DNAH8: variants seen among roughly 807,000 people sequenced by gnomAD.
DNAH8 encodes axonemal beta dynein heavy chain 8.
Under a neutral mutation model 562.1 loss-of-function variants are expected in DNAH8, and 382 were observed. That is an observed-to-expected ratio of 0.68 (90% CI 0.63 to 0.74). The LOEUF is 0.74. Ranked by LOEUF, DNAH8 falls within the 30% of genes least tolerant of loss-of-function variation. DNAH8 has a pLI of 0.00. For missense variants in DNAH8, 5,203 were observed against 5,620.4 expected (o/e 0.93, Z 2.37); for synonymous variants, 1,881 against 1,919.4 (o/e 0.98, Z 0.52).
At chr6:38,994,000 G>A (rs1194910883) in intron 88 of DNAH8, among the ~76,000 whole-genome samples, 3 of 152,122 alleles carry the variant, frequency 2.0e-5, no homozygotes, top group Admixed American at 6.5e-5. Flanking sequence ...CTTACATAGG[G>A]TTATACTGTT....
rs1303186272 is a variant in DNAH8 at position 38,730,000 on chromosome 6, G to C, written c.610+14G>C. The C allele has an allele frequency of 1.5e-6, 2 of 1,351,930 alleles. No homozygotes were observed. Among genetic ancestry groups the C allele is most frequent in the African/African-American group, 1.4e-5 (1 of 69,930 alleles). 83.7% of individuals were successfully genotyped at this position (1,351,930 alleles called of 1,614,324 possible). On this transcript the variant is annotated intron_variant, in intron 4 of 92. Transcript: ENST00000327475. Reference sequence around the variant, plus strand: ...TACCTGGTATTGGTAAGAATTTTCTGAGGGCAGTGTGCCAGTAATTAGTTC... The same window carrying C: ...TACCTGGTATTGGTAAGAATTTTCTCAGGGCAGTGTGCCAGTAATTAGTTC...
chr6:38,866,741 G>GA (rs772992674), intron 46 of DNAH8, 28 bp from the exon 47 acceptor site: 2 of 1,600,732 alleles, frequency 1.2e-6, no homozygotes. Flanking sequence ...CACTAAAGTT[G>GA]AAAAAAACTC....
intron 41 of DNAH8, among the ~76,000 whole-genome samples, chr6:38,855,209 G>A (rs180862609): frequency 1.2e-3 from 178 of 151,740 alleles, no homozygotes; most frequent in African/African-American, 4.2e-3. Context: ...TGTTTTAATT[G>A]TTTGAATGCC....
At position 38,984,251 on chromosome 6, in the gene DNAH8, T is replaced by C. The variant is rs779939936; in HGVS notation, c.12997T>C (p.Tyr4333His). 1.2e-6 allele frequency: 2 copies of C among 1,610,698 alleles called. No homozygotes were observed. Among genetic ancestry groups the C allele is most frequent in the South Asian group, 2.2e-5 (2 of 91,020 alleles). Residue 4333 changes from tyrosine (Y) to histidine (H), a missense_variant, in exon 87 of 93, where the codon TAT (tyrosine) becomes CAT (histidine). Transcript: ENST00000327475. The part of the protein sequence containing the change: ...TVRYMIGEVQ[Y>H]GGRVTDDFDK... The stretch of plus-strand genomic sequence containing the variant: ...TCGGTACATGATCGGAGAAGTACAA[T>C]ATGGAGGCAGAGTGACAGATGACTT...
intron 28 of DNAH8, 29 bp downstream of exon 28, chr6:38,823,717 T>TACAG: frequency 6.6e-7 from 1 of 1,526,138 alleles, no homozygotes; most frequent in Non-Finnish European, 9.0e-7. Flanking sequence ...TTATGTAAAG[T>TACAG]ATCTGTACTT....
rs1783110412 is a variant in DNAH8 at position 38,938,050 on chromosome 6, G to A, written c.11640G>A (p.Lys3880=). ...TKQTAAEVSE[K]LHVAAETEIK... is the part of the protein sequence containing the mutation. ...AGACAGCAGCTGAGGTAAGTGAAAA[G>A]TTGCATGTGGCTGCAGAAACTGAGA... is the stretch of plus-strand genomic sequence containing the variant. Residue 3880 remains lysine, a synonymous_variant, in exon 78 of 93, where the codon AAG becomes AAA. Coordinates refer to ENST00000327475, the MANE Select transcript of DNAH8 (RefSeq NM_001206927.2). 2.5e-6 allele frequency: 4 copies of A among 1,613,922 alleles called. No homozygotes were observed. The highest frequency in any genetic ancestry group is 3.4e-6 in the Non-Finnish European group (4 of 1,180,018).
At chr6:38,734,824 T>C (rs1322368591) in intron 5 of DNAH8, among the ~76,000 whole-genome samples, 199 bp downstream of exon 5, 1 of 152,236 alleles carries the variant, frequency 6.6e-6, no homozygotes, top group Non-Finnish European at 1.5e-5. Context: ...AGATACTGCT[T>C]TCAATTTCAT....
At chr6:38,753,935 A>G (rs1365767506) in intron 9 of DNAH8, among the ~76,000 whole-genome samples, 1 of 152,174 alleles carries the variant, frequency 6.6e-6, no homozygotes, top group Non-Finnish European at 1.5e-5. Flanking sequence ...TACACCCACT[A>G]TATCTGTACT....
chr6:38,757,151 T>C (rs1290386343), intron 10 of DNAH8, among the ~76,000 whole-genome samples: 1 of 151,784 alleles, frequency 6.6e-6, no homozygotes, highest in Non-Finnish European at 1.5e-5. Context: ...TGTAAAAGTG[T>C]TCCTATTTCT....
intron 11 of DNAH8, chr6:38,763,100 G>A (rs1337558691): frequency 5.7e-6 from 2 of 349,080 alleles, no homozygotes; most frequent in Non-Finnish European, 1.1e-5. Flanking sequence ...ATAAAAGAAA[G>A]GGATAATGAC....
chr6:38,954,480 G>A lies in DNAH8; in HGVS notation c.12451+2960G>A, dbSNP rs1314751868. The stretch of plus-strand genomic sequence containing the variant: ...AGCACTTTGGGAGGCCGAGACGGGC[G>A]GATCACGAGGTCAGGAGATCGAGAC... On this transcript the variant is annotated intron_variant, in intron 82 of 92. Coordinates refer to ENST00000327475, the MANE Select transcript of DNAH8 (RefSeq NM_001206927.2). Among the ~76,000 whole-genome samples the A allele has an allele frequency of 8.7e-5, 2 of 22,870 alleles. 1 individual carries two copies. Among genetic ancestry groups the A allele is most frequent in the Non-Finnish European group, 1.5e-4 (2 of 13,134 alleles). The allele number at this position is 22,870 out of a possible 152,430, so 15.0% of individuals were successfully genotyped here.
chr6:38,787,645 G>A (rs1017116232), intron 18 of DNAH8, among the ~76,000 whole-genome samples: 41 of 142,506 alleles, frequency 2.9e-4, no homozygotes, highest in African/African-American at 6.3e-4. Context: ...GCAGTGAGCC[G>A]AGATTGCTCC....
Position 38,973,659 on chromosome 6 carries a change from A to T in DNAH8, c.12526-2A>T, listed in dbSNP as rs1763483284. 3 of 1,575,432 alleles carry T rather than the reference A, an allele frequency of 1.9e-6. No individual in the cohort carries two copies. In the African/African-American group the frequency reaches 4.1e-5, roughly 22 times the overall value. On this transcript the variant is annotated splice_acceptor_variant, in intron 83 of 92. Transcript: ENST00000327475. LOFTEE classifies it high-confidence loss of function. ...TAAATATGAACTTATTTTTGGATAC[A>T]GGGTGGTTGGGTATTACTACAAAAT...
At chr6:38,884,943 A>G (rs9380804) in intron 56 of DNAH8, among the ~76,000 whole-genome samples, 41,595 of 151,794 alleles carry the variant, frequency 0.27, 6,374 homozygotes, top group East Asian at 0.66. Context: ...ACACTGCTTC[A>G]TTGACACCAT....
chr6:38,957,730 C>CA (rs1478490422), intron 82 of DNAH8, among the ~76,000 whole-genome samples: 2 of 151,666 alleles, frequency 1.3e-5, no homozygotes, highest in African/African-American at 4.8e-5. Context: ...CCTGAATAAC[C>CA]AATGAGTCAA....
intron 85 of DNAH8, among the ~76,000 whole-genome samples, chr6:38,977,272 C>G (rs774459622): frequency 6.6e-6 from 1 of 152,128 alleles, no homozygotes; most frequent in Non-Finnish European, 1.5e-5. Context: ...GAGGCAACGC[C>G]GCACTAAGCT....
At position 38,810,204 on chromosome 6, in the gene DNAH8, C is replaced by T. The variant is rs138717368; in HGVS notation, c.3257+2488C>T. On this transcript the variant is annotated intron_variant, in intron 24 of 92. Coordinates refer to ENST00000327475, the MANE Select transcript of DNAH8 (RefSeq NM_001206927.2). Reference sequence around the variant, plus strand: ...CATTTCATTATGACTGTTGTCTTTGCGGTGGATAATTTTCACCATTTATTC... The same window carrying T: ...CATTTCATTATGACTGTTGTCTTTGTGGTGGATAATTTTCACCATTTATTC... Among the ~76,000 whole-genome samples, 318 of 152,172 alleles carry T rather than the reference C, an allele frequency of 2.1e-3. 1 individual carries two copies. The highest frequency in any genetic ancestry group is 6.2e-3 in the African/African-American group (259 of 41,516).
At chr6:38,719,063 C>A (rs1360243618) in intron 1 of DNAH8, among the ~76,000 whole-genome samples, 5 of 152,128 alleles carry the variant, frequency 3.3e-5, no homozygotes, top group African/African-American at 1.2e-4. Context: ...CCTTTTTCAG[C>A]AGAACATCAC....
At chr6:38,991,290 C>A (rs969330037) in intron 88 of DNAH8, among the ~76,000 whole-genome samples, 24 of 152,190 alleles carry the variant, frequency 1.6e-4, no homozygotes, top group African/African-American at 5.3e-4. Flanking sequence ...AAAATACCTA[C>A]AAATGCCAAT....
Sources: allele counts gnomAD v4.1 joint callset (sites outside exome capture counted in the v4.1 genomes callset), GRCh38; gene constraint gnomAD v4.1.1; transcripts MANE v1.5; gene names NCBI Gene and HGNC (gene_info 2026-07-23, HGNC 2026-07-21).